MUSK: variants seen among roughly 807,000 people sequenced by gnomAD.
MUSK encodes muscle associated receptor tyrosine kinase.
A neutral mutation model predicts 88.7 loss-of-function variants in MUSK; 55 were observed. That is an observed-to-expected ratio of 0.62 (90% CI 0.50 to 0.78). The LOEUF is 0.78. Among genes scored for constraint, MUSK ranks in the 30% least tolerant of loss-of-function variants. The pLI is 0.00. For synonymous variants in MUSK, 387 were observed against 391.9 expected, an observed-to-expected ratio of 0.99 and a Z score of 0.15; for missense variants, 1,015 against 1,074.3, an observed-to-expected ratio of 0.94 and a Z score of 0.77.
intron 7 of MUSK, among the ~76,000 whole-genome samples, chr9:110,752,008 G>A (rs1290899960): frequency 1.3e-5 from 2 of 152,136 alleles, no homozygotes; most frequent in Non-Finnish European, 2.9e-5. Flanking sequence ...GTTATTCCCT[G>A]GAATAAGACC....
intron 9 of MUSK, among the ~76,000 whole-genome samples, chr9:110,771,498 G>A (rs886676815): frequency 7.9e-5 from 12 of 151,888 alleles, no homozygotes; most frequent in Admixed American, 3.9e-4. Context: ...TCATGAAATT[G>A]TATAATATAT....
chr9:110,762,331 G>C (rs2077414658), intron 8 of MUSK, 123 bp downstream of exon 8: 2 of 628,320 alleles, frequency 3.2e-6, no homozygotes, highest in African/African-American at 3.7e-5. Context: ...AGTATGTTTT[G>C]TTTTTGTTAT....
intron 5 of MUSK, among the ~76,000 whole-genome samples, chr9:110,723,724 G>T (rs562248874): frequency 1.3e-5 from 2 of 152,016 alleles, no homozygotes; most frequent in South Asian, 4.2e-4. Flanking sequence ...TGTGTGTCTG[G>T]CATTTAATTG....
chr9:110,724,801 A>G (rs1265845570), intron 5 of MUSK, among the ~76,000 whole-genome samples: 2 of 152,000 alleles, frequency 1.3e-5, no homozygotes, highest in African/African-American at 4.8e-5. Flanking sequence ...ATATCATAAC[A>G]CCAACTTGAG....
chr9:110,689,899 A>C (rs1423762878), intron 3 of MUSK, among the ~76,000 whole-genome samples: 1 of 97,266 alleles, frequency 1.0e-5, no homozygotes, highest in Non-Finnish European at 1.8e-5. Flanking sequence ...TAAATTATAT[A>C]AATATACATA....
At chr9:110,669,802 T>A (rs1587869082) in intron 1 of MUSK, among the ~76,000 whole-genome samples, 1 of 152,162 alleles carries the variant, frequency 6.6e-6, no homozygotes, top group Non-Finnish European at 1.5e-5. Flanking sequence ...AATCTTTTTT[T>A]AAAAAGACAT....
At chr9:110,731,989 C>T (rs189175122) in intron 5 of MUSK, among the ~76,000 whole-genome samples, 1 of 151,986 alleles carries the variant, frequency 6.6e-6, no homozygotes, top group East Asian at 1.9e-4. Flanking sequence ...AAACTCTTGG[C>T]TTCATAAATT....
chr9:110,791,110 A>G (rs1463133415), intron 14 of MUSK, among the ~76,000 whole-genome samples: 1 of 152,274 alleles, frequency 6.6e-6, no homozygotes, highest in East Asian at 1.9e-4. Context: ...GGGAGGAGCC[A>G]AGATGGCCGA....
chr9:110,706,654 T>C (rs1417825631), intron 5 of MUSK, among the ~76,000 whole-genome samples: 7 of 152,134 alleles, frequency 4.6e-5, no homozygotes, highest in Admixed American at 4.6e-4. Context: ...GGACAACTTT[T>C]GAAATTCTGA....
intron 5 of MUSK, among the ~76,000 whole-genome samples, chr9:110,700,374 G>T (rs1206386351): frequency 6.6e-6 from 1 of 152,128 alleles, no homozygotes; most frequent in East Asian, 1.9e-4. Flanking sequence ...GCTGAATACT[G>T]TCTGTTCTAT....
chr9:110,689,545 A>ATATATAGT (rs1362832952), intron 3 of MUSK, among the ~76,000 whole-genome samples: 2 of 107,308 alleles, frequency 1.9e-5, no homozygotes, highest in Non-Finnish European at 3.3e-5. Flanking sequence ...ATATATAGTT[A>ATATATAGT]TATATATTTA....
At chr9:110,671,588 G>A (rs3001129) in intron 1 of MUSK, among the ~76,000 whole-genome samples, 81,874 of 151,906 alleles carry the variant, frequency 0.54, 23,038 homozygotes, top group African/African-American at 0.7. Context: ...TTTAATTAAG[G>A]CTACTAATGC....
chr9:110,787,179 A>G (rs2077883678), intron 13 of MUSK, among the ~76,000 whole-genome samples: 1 of 151,984 alleles, frequency 6.6e-6, no homozygotes. Flanking sequence ...TGGCTAACAC[A>G]GTGAAACCCT....
chr9:110,689,955 A>AT (rs1182496253), intron 3 of MUSK, among the ~76,000 whole-genome samples: 1 of 74,300 alleles, frequency 1.3e-5, no homozygotes, highest in Non-Finnish European at 2.4e-5. Context: ...TTTAAATATA[A>AT]ATATATATTT....
At chr9:110,752,409 A>C (rs2131891370) in intron 7 of MUSK, among the ~76,000 whole-genome samples, 1 of 152,366 alleles carries the variant, frequency 6.6e-6, no homozygotes, top group South Asian at 2.1e-4. Flanking sequence ...CCAGAACTCA[A>C]GTATGGTATC....
At chr9:110,740,925 T>C (rs755435382) in intron 6 of MUSK, among the ~76,000 whole-genome samples, 1 of 152,152 alleles carries the variant, frequency 6.6e-6, no homozygotes, top group South Asian at 2.1e-4. Flanking sequence ...CTCACTTATA[T>C]GTGGAATCTA....
Position 110,690,137 on chromosome 9 carries a change from T to TGTAAATATATATTTA in MUSK, c.358+2869_358+2870insGTAAATATATATTTA. Among the ~76,000 whole-genome samples, 2 of 101,802 alleles carry TGTAAATATATATTTA rather than the reference T, an allele frequency of 2.0e-5. 1 individual carries two copies. Among genetic ancestry groups the TGTAAATATATATTTA allele is most frequent in the South Asian group, 6.8e-4 (2 of 2,944 alleles). 66.8% of individuals were successfully genotyped at this position (101,802 alleles called of 152,430 possible). ...AATATATATTATATAAGTATAAATATAGAAATATATATTTAAGTATAAATA... is the reference window on the plus strand; with the variant it reads ...AATATATATTATATAAGTATAAATATGTAAATATATATTTAAGAAATATATATTTAAGTATAAATA... On this transcript the variant is annotated intron_variant, in intron 3 of 14. Coordinates refer to ENST00000374448, the MANE Select transcript of MUSK (RefSeq NM_005592.4).
intron 4 of MUSK, among the ~76,000 whole-genome samples, chr9:110,696,686 G>A (rs1165726031): frequency 2.0e-5 from 3 of 151,996 alleles, no homozygotes; most frequent in South Asian, 2.1e-4. Context: ...ACTCCAAAGA[G>A]TAATTTTAAT....
intron 8 of MUSK, among the ~76,000 whole-genome samples, chr9:110,766,507 A>G (rs886097262): frequency 6.6e-6 from 1 of 152,236 alleles, no homozygotes; most frequent in African/African-American, 2.4e-5. Context: ...GGAAGACTCT[A>G]TATTACAAAA....
Sources: gnomAD v4.1 joint callset for allele counts (sites outside exome capture counted in the v4.1 genomes callset) on GRCh38, gnomAD v4.1.1 for gene constraint, MANE v1.5 for transcripts, NCBI Gene and HGNC (gene_info 2026-07-23, HGNC 2026-07-21) for gene names.